SLC38A9: variants seen among roughly 807,000 people sequenced by gnomAD.
SLC38A9 encodes the protein solute carrier family 38 member 9.
Under a neutral mutation model 62.3 loss-of-function variants are expected in SLC38A9, and 48 were observed. The ratio of observed to expected loss-of-function variants is 0.77; its 90% CI spans 0.61 to 0.98. The LOEUF (loss-of-function observed/expected upper bound fraction) is 0.98, where lower values mean the gene tolerates loss of function less well. Ranked by LOEUF, SLC38A9 falls within the 50% of genes least tolerant of loss-of-function variation. SLC38A9 has a pLI of 0.00. For missense variants in SLC38A9, 541 were observed against 679.8 expected (o/e 0.80, Z 2.27); for synonymous variants, 204 against 227.7 (o/e 0.90, Z 0.94).
At chr5:55,645,954 A>T in intron 11 of SLC38A9, 59 bp from the exon 12 acceptor site, 1 of 1,112,080 alleles carries the variant, frequency 9.0e-7, no homozygotes, top group Admixed American at 2.2e-5. Flanking sequence ...GAGTATTGGT[A>T]GCCAAAAGTT....
In SLC38A9 at chr5:55,626,264, A is replaced by C; in HGVS notation, c.*230T>G. ...CTATTCAGAAAAGACCACAGAATAA[A>C]GAGGTGAGTTAATATGAGAAAGGTA... On this transcript the variant is annotated 3_prime_UTR_variant, in exon 16 of 16. Coordinates refer to ENST00000396865, the MANE Select transcript of SLC38A9 (RefSeq NM_173514.4). The C allele has an allele frequency of 2.6e-6, 1 of 381,132 alleles. No individual in the cohort carries two copies. The highest frequency in any genetic ancestry group is 4.1e-5 in the East Asian group (1 of 24,202). The allele number at this position is 381,132 out of a possible 1,614,324, so 23.6% of individuals were successfully genotyped here. A position where few individuals can be genotyped will look rare whatever the true frequency, so the allele number is the denominator to read the frequency against.
At chr5:55,699,641 A>G (rs1010802848) in intron 2 of SLC38A9, among the ~76,000 whole-genome samples, 1 of 152,208 alleles carries the variant, frequency 6.6e-6, no homozygotes, top group Non-Finnish European at 1.5e-5. Context: ...AATGTTTCCT[A>G]TGTTTAAATA....
At chr5:55,673,769 T>G (rs1292693646) in intron 3 of SLC38A9, among the ~76,000 whole-genome samples, 1 of 150,152 alleles carries the variant, frequency 6.7e-6, no homozygotes, top group Non-Finnish European at 1.5e-5. Context: ...TGGAGTGCAG[T>G]GGTGCGATCT....
intron 12 of SLC38A9, among the ~76,000 whole-genome samples, chr5:55,638,285 G>T (rs1744799175): frequency 6.6e-6 from 1 of 152,126 alleles, no homozygotes; most frequent in East Asian, 1.9e-4. Flanking sequence ...AAGCCATTAG[G>T]CCTAAAGATA....
chr5:55,689,245 T>C (rs561383829), intron 3 of SLC38A9, among the ~76,000 whole-genome samples: 5 of 152,192 alleles, frequency 3.3e-5, no homozygotes, highest in African/African-American at 1.2e-4. Flanking sequence ...AGAAAACATA[T>C]CTCCTAACTT....
intron 9 of SLC38A9, among the ~76,000 whole-genome samples, chr5:55,654,849 A>T (rs1391496411): frequency 1.3e-5 from 2 of 149,834 alleles, no homozygotes. Context: ...GTTAGCTGTA[A>T]TTTTTTTTTT....
intron 2 of SLC38A9, among the ~76,000 whole-genome samples, chr5:55,707,660 A>G (rs1336841931): frequency 6.6e-6 from 1 of 152,220 alleles, no homozygotes; most frequent in African/African-American, 2.4e-5. Flanking sequence ...ATGCAAGACC[A>G]CTAAGTCAAA....
At chr5:55,665,032 T>C (rs761076381) in intron 7 of SLC38A9, 169 bp from the exon 8 acceptor site, 23 of 363,378 alleles carry the variant, frequency 6.3e-5, no homozygotes, top group Admixed American at 9.4e-5. Context: ...TATAGAAAAA[T>C]AAAAGAAATG....
intron 1 of SLC38A9, 111 bp downstream of exon 1, chr5:55,712,106 C>T (rs911983666): frequency 6.6e-6 from 1 of 152,344 alleles, no homozygotes; most frequent in Admixed American, 6.5e-5. Context: ...AAAGAACTAT[C>T]CCAGGTGACA....
chr5:55,709,908 A>G (rs1456483033), intron 2 of SLC38A9, among the ~76,000 whole-genome samples: 1 of 151,202 alleles, frequency 6.6e-6, no homozygotes, highest in Non-Finnish European at 1.5e-5. Flanking sequence ...CTACCAAAAC[A>G]CACACAAAAA....
At chr5:55,689,268 A>T (rs918690373) in intron 3 of SLC38A9, among the ~76,000 whole-genome samples, 4 of 152,232 alleles carry the variant, frequency 2.6e-5, no homozygotes, top group African/African-American at 9.6e-5. Context: ...AATAAGGCAT[A>T]GAAAAGCTAT....
chr5:55,690,717 AATAG>A (rs1312740731), intron 3 of SLC38A9, among the ~76,000 whole-genome samples: 1 of 151,896 alleles, frequency 6.6e-6, no homozygotes, highest in Admixed American at 6.6e-5. Context: ...GTTACCTATT[AATAG>A]ATAAACTCTT....
chr5:55,642,246 T>G (rs1020366633), intron 12 of SLC38A9, among the ~76,000 whole-genome samples: 191 of 152,302 alleles, frequency 1.3e-3, no homozygotes, highest in African/African-American at 4.4e-3. Context: ...GGGGTTTCAC[T>G]GTGTTAGCCA....
At position 55,709,941 on chromosome 5, in the gene SLC38A9, T is replaced by C. The variant is rs7705212; in HGVS notation, c.-35+1511A>G. ...AAAATTAGCCGGGTATGGTGGCGTGTGCCTGTAGTCCCAGCTACTTGGGAG... is the reference window on the plus strand; with the variant it reads ...AAAATTAGCCGGGTATGGTGGCGTGCGCCTGTAGTCCCAGCTACTTGGGAG... On this transcript the variant is annotated intron_variant, in intron 2 of 15. Transcript: ENST00000396865. Among the ~76,000 whole-genome samples the C allele has an allele frequency of 3.5e-3, 530 of 151,176 alleles. 2 individuals carry two copies. Among genetic ancestry groups the C allele is most frequent in the African/African-American group, 0.012 (502 of 41,310 alleles).
chr5:55,680,218 T>TAGAGAGAG (rs772132280), intron 3 of SLC38A9, among the ~76,000 whole-genome samples: 30 of 111,678 alleles, frequency 2.7e-4, no homozygotes, highest in African/African-American at 8.6e-4. Flanking sequence ...TATATATCTA[T>TAGAGAGAG]ATATATATAG....
chr5:55,683,888 T>TG (rs1753389373), intron 3 of SLC38A9, among the ~76,000 whole-genome samples: 1 of 152,214 alleles, frequency 6.6e-6, no homozygotes, highest in East Asian at 1.9e-4. Flanking sequence ...GCATACATTT[T>TG]TACTGATTAT....
intron 10 of SLC38A9, among the ~76,000 whole-genome samples, chr5:55,651,605 G>A (rs1035136341): frequency 2.6e-5 from 4 of 152,032 alleles, no homozygotes; most frequent in Non-Finnish European, 4.4e-5. Context: ...GAAAAGCAGG[G>A]CTCACAGAAA....
At chr5:55,695,284 T>TA (rs963148654) in intron 3 of SLC38A9, among the ~76,000 whole-genome samples, 39 of 150,562 alleles carry the variant, frequency 2.6e-4, no homozygotes, top group Non-Finnish European at 4.4e-5. Context: ...TTTTTTTTTT[T>TA]TTATTGATCA....
intron 7 of SLC38A9, among the ~76,000 whole-genome samples, chr5:55,665,341 T>C (rs1197795577): frequency 6.7e-6 from 1 of 148,582 alleles, no homozygotes; most frequent in Admixed American, 6.7e-5. Flanking sequence ...AGGTCAGGAG[T>C]TTGAGATCAG....
Sources: allele counts gnomAD v4.1 joint callset (sites outside exome capture counted in the v4.1 genomes callset), GRCh38; gene constraint gnomAD v4.1.1; transcripts MANE v1.5; gene names NCBI Gene and HGNC (gene_info 2026-07-23, HGNC 2026-07-21).